Variants in FARS2 observed in about 807,000 individuals in gnomAD.
The protein encoded by FARS2 is phenylalanyl-tRNA synthetase 2, mitochondrial, also known as phenylalanine--tRNA ligase, mitochondrial.
FARS2 carries 40 observed loss-of-function variants against 46.4 expected under a neutral mutation model. The observed-to-expected ratio is 0.86, with a 90% CI of 0.67 to 1.12. FARS2 has a LOEUF of 1.12. Ranked by LOEUF, FARS2 falls within the 50% of genes most tolerant of loss-of-function variation. The pLI is 0.00. For synonymous variants in FARS2, 234 were observed against 214.9 expected (o/e 1.09, Z -0.78); for missense variants, 513 against 567.9 (o/e 0.90, Z 0.98).
chr6:5,338,970 TTG>T (rs1405024944), intron 1 of FARS2, among the ~76,000 whole-genome samples: 1 of 152,240 alleles, frequency 6.6e-6, no homozygotes, highest in East Asian at 1.9e-4. Context: ...TATATGCTTT[TTG>T]TTTTTATGGG....
intron 1 of FARS2, among the ~76,000 whole-genome samples, chr6:5,319,634 A>C (rs1046800367): frequency 1.3e-5 from 2 of 152,156 alleles, no homozygotes; most frequent in African/African-American, 2.4e-5. Context: ...TCTGAAACTT[A>C]ATAAACTCTC....
intron 4 of FARS2, among the ~76,000 whole-genome samples, chr6:5,481,219 G>T (rs34462694): frequency 0.068 from 10,334 of 152,262 alleles, 487 homozygotes; most frequent in Non-Finnish European, 0.099. Flanking sequence ...GGAGCCCTCC[G>T]TGTGTTCCTG....
intron 2 of FARS2, among the ~76,000 whole-genome samples, chr6:5,391,108 T>A (rs1760481441): frequency 6.6e-6 from 1 of 152,172 alleles, no homozygotes; most frequent in Non-Finnish European, 1.5e-5. Flanking sequence ...TGTTCATGAG[T>A]GTTTTATGTC....
Position 5,368,906 on chromosome 6 carries a change from C to G in FARS2, c.336C>G (p.Val112=). The G allele has an allele frequency of 6.2e-7, 1 of 1,614,136 alleles. No individual in the cohort carries two copies. Among genetic ancestry groups the G allele is most frequent in the Non-Finnish European group, 8.5e-7 (1 of 1,180,010 alleles). The change falls in exon 2 of 7, where the codon GTC becomes GTG. Residue 112 remains valine (V), a synonymous_variant. Coordinates refer to ENST00000274680, the MANE Select transcript of FARS2 (RefSeq NM_006567.5). ...GCTTTGGGACCCCGTTGTTCTCGGT[C>G]TACGACAACCTTTCTCCAGTGGTCA... ...VGRFGTPLFS[V]YDNLSPVVTT...
At chr6:5,401,679 G>A (rs1420115087) in intron 2 of FARS2, among the ~76,000 whole-genome samples, 1 of 152,102 alleles carries the variant, frequency 6.6e-6, no homozygotes, top group Non-Finnish European at 1.5e-5. Context: ...ATGCTCTTGT[G>A]TGTTTCACGT....
intron 1 of FARS2, among the ~76,000 whole-genome samples, chr6:5,312,425 T>C (rs1324284601): frequency 6.7e-6 from 1 of 148,976 alleles, no homozygotes; most frequent in Non-Finnish European, 1.5e-5. Flanking sequence ...TGAGGACTTA[T>C]TGTTTGATAT....
rs35980009 is a variant in FARS2, at chr6:5,562,695, T to TACACACACACACACACACACAC, written c.1065+17367_1065+17388dup. On this transcript the variant is annotated intron_variant, in intron 5 of 6. Transcript: ENST00000274680. ...ACAACCTTGACTCCACTGTAATTTA[T>TACACACACACACACACACACAC]ACACACACACACACACACACACACA... Among the ~76,000 whole-genome samples the TACACACACACACACACACACAC allele has an allele frequency of 7.4e-5, 10 of 135,770 alleles. No homozygotes were observed. The South Asian group carries it at 9.2e-4, about 12-fold the overall frequency. 89.1% of individuals were successfully genotyped at this position (135,770 alleles called of 152,430 possible). A position where few individuals can be genotyped will look rare whatever the true frequency, so the allele number is the denominator to read the frequency against.
At chr6:5,603,398 A>G (rs1034711499) in intron 5 of FARS2, among the ~76,000 whole-genome samples, 1 of 152,240 alleles carries the variant, frequency 6.6e-6, no homozygotes, top group Non-Finnish European at 1.5e-5. Flanking sequence ...CCATCACAAA[A>G]GGAGGGTCCT....
intron 5 of FARS2, among the ~76,000 whole-genome samples, chr6:5,606,945 A>C (rs1774870743): frequency 6.6e-6 from 1 of 152,132 alleles, no homozygotes; most frequent in Non-Finnish European, 1.5e-5. Context: ...TGAGGGAACA[A>C]ACCAGCTTTC....
At chr6:5,530,290 C>T (rs28828149) in intron 4 of FARS2, among the ~76,000 whole-genome samples, 1 of 151,958 alleles carries the variant, frequency 6.6e-6, no homozygotes, top group Non-Finnish European at 1.5e-5. Context: ...AACAAGCGGC[C>T]AGGATTCTCC....
intron 1 of FARS2, among the ~76,000 whole-genome samples, chr6:5,336,270 C>T (rs1278771319): frequency 6.6e-6 from 1 of 151,318 alleles, no homozygotes; most frequent in African/African-American, 2.4e-5. Context: ...AAATATATCA[C>T]TTCAGGGTTA....
At chr6:5,639,060 A>C (rs1056685207) in intron 6 of FARS2, among the ~76,000 whole-genome samples, 4 of 152,246 alleles carry the variant, frequency 2.6e-5, no homozygotes, top group African/African-American at 9.6e-5. Context: ...GGTGAAATTG[A>C]TTGATGTAGT....
At position 5,765,082 on chromosome 6, in the gene FARS2, A is replaced by G. The variant is rs900447006; in HGVS notation, c.1218-6209A>G. ...CCAGCCCTGACTATACTCAGCACCT[A>G]TACATCCTTGTCTTTGGTCTAGGGG... On this transcript the variant is annotated intron_variant, in intron 6 of 6. Transcript: ENST00000274680. This position sits in a 1 kb window ranked among gnomAD's most constrained non-coding sequence, Gnocchi z 4.0. Among the ~76,000 whole-genome samples, 3 of 152,180 alleles carry G rather than the reference A, an allele frequency of 2.0e-5. No individual in the cohort carries two copies. Among genetic ancestry groups the G allele is most frequent in the African/African-American group, 7.2e-5 (3 of 41,448 alleles).
Position 5,404,653 on chromosome 6 carries a change from G to A in FARS2, c.724G>A (p.Asp242Asn). ...GGAGGCCGTGAAGCTTGTAGAGTTT[G>A]ATCTTAAGCAAACGCTTACCAGGCT... is the stretch of plus-strand genomic sequence containing the variant. ...TMEAVKLVEF[D>N]LKQTLTRLMA... The change falls in exon 3 of 7, where the codon GAT becomes AAT. Residue 242 changes from aspartate (D) to asparagine (N), a missense_variant. Transcript: ENST00000274680. 1 of 1,610,134 alleles carries A rather than the reference G, an allele frequency of 6.2e-7. No homozygotes were observed. Among genetic ancestry groups the A allele is most frequent in the Non-Finnish European group, 8.5e-7 (1 of 1,177,842 alleles).
intron 6 of FARS2, among the ~76,000 whole-genome samples, chr6:5,690,051 G>A (rs1415002352): frequency 6.6e-6 from 1 of 152,008 alleles, no homozygotes; most frequent in Admixed American, 6.5e-5. Context: ...CATGTGCTTG[G>A]TAGATCTTCC....
intron 1 of FARS2, among the ~76,000 whole-genome samples, chr6:5,271,560 GTTTTTT>G (rs59053657): frequency 1.5e-4 from 16 of 108,712 alleles, no homozygotes; most frequent in Non-Finnish European, 2.3e-4. Context: ...GACTATGTCT[GTTTTTT>G]TTTTTTTTTT....
chr6:5,301,802 T>TACACACACACACACACACAC, intron 1 of FARS2, among the ~76,000 whole-genome samples: 1 of 132,430 alleles, frequency 7.6e-6, no homozygotes, highest in African/African-American at 2.6e-5. Context: ...CACACACACA[T>TACACACACACACACACACAC]ACACACACAC....
chr6:5,409,927 T>C (rs955824264), intron 3 of FARS2, among the ~76,000 whole-genome samples: 2 of 152,148 alleles, frequency 1.3e-5, no homozygotes, highest in African/African-American at 4.8e-5. Context: ...GCCGTGTTTG[T>C]GACGTCCGCT....
intron 6 of FARS2, among the ~76,000 whole-genome samples, chr6:5,619,938 C>T (rs1210872344): frequency 5.3e-5 from 8 of 152,254 alleles, no homozygotes; most frequent in South Asian, 4.1e-4. Context: ...TCTCAACACC[C>T]GAACACAACA....
Sources: gnomAD v4.1 joint callset for allele counts (sites outside exome capture counted in the v4.1 genomes callset) on GRCh38, gnomAD v4.1.1 for gene constraint, Gnocchi (gnomAD v3.1) non-coding constraint, MANE v1.5 for transcripts, NCBI Gene and HGNC (gene_info 2026-07-23, HGNC 2026-07-21) for gene names.